The following BMAL1 variants were observed in gnomAD, a reference collection of about 807,000 sequenced individuals.
BMAL1 encodes basic helix-loop-helix ARNT like 1.
At chr11:13,314,386 T>A in the BMAL1 span, among the ~76,000 whole-genome samples, 1 of 152,160 alleles carries the variant, frequency 6.6e-6, no homozygotes, top group East Asian at 1.9e-4. Context: ...ATTCATAATG[T>A]GATAAAATGT....
the BMAL1 span, among the ~76,000 whole-genome samples, chr11:13,346,420 T>A: frequency 6.6e-6 from 1 of 152,208 alleles, no homozygotes; most frequent in Non-Finnish European, 1.5e-5. Flanking sequence ...TTGGATGTGA[T>A]CATCTTCCTG....
chr11:13,373,110 C>T, the BMAL1 span, among the ~76,000 whole-genome samples: 4 of 152,282 alleles, frequency 2.6e-5, no homozygotes, highest in African/African-American at 9.6e-5. Context: ...ATGTGGCTAA[C>T]GGCACAGACA....
chr11:13,345,616 C>T, the BMAL1 span, among the ~76,000 whole-genome samples: 7 of 152,218 alleles, frequency 4.6e-5, 1 homozygote, highest in South Asian at 1.2e-3. Context: ...TGGCAGCAGC[C>T]ATGGTAGTTA....
At chr11:13,288,424 C>CTT in the BMAL1 span, among the ~76,000 whole-genome samples, 2 of 113,690 alleles carry the variant, frequency 1.8e-5, no homozygotes, top group Non-Finnish European at 1.8e-5. Flanking sequence ...CTTTTTTTTT[C>CTT]TTTTTTTTTT....
At chr11:13,376,723 G>A in the BMAL1 span, 1 of 1,613,662 alleles carries the variant, frequency 6.2e-7, no homozygotes, top group Non-Finnish European at 8.5e-7. Flanking sequence ...CTGCCCTCTG[G>A]AGAAGGTAAC....
the BMAL1 span, among the ~76,000 whole-genome samples, chr11:13,354,782 TG>T: frequency 3.3e-5 from 5 of 152,220 alleles, no homozygotes; most frequent in Non-Finnish European, 7.3e-5. Context: ...GTTAAGTCTA[TG>T]GGTGTCATCT....
the BMAL1 span, among the ~76,000 whole-genome samples, chr11:13,342,998 T>C: frequency 6.6e-6 from 1 of 152,210 alleles, no homozygotes; most frequent in African/African-American, 2.4e-5. Flanking sequence ...AGAGGGCTTG[T>C]TATGCTCCAG....
chr11:13,344,536 A>G, the BMAL1 span, among the ~76,000 whole-genome samples: 1 of 152,198 alleles, frequency 6.6e-6, no homozygotes, highest in African/African-American at 2.4e-5. Context: ...CTTCGTCCCC[A>G]TTGTGGCTTC....
At chr11:13,304,746 C>T in the BMAL1 span, among the ~76,000 whole-genome samples, 2 of 152,190 alleles carry the variant, frequency 1.3e-5, no homozygotes, top group East Asian at 1.9e-4. Context: ...CTGGAGTCCA[C>T]TTCCAATGCC....
chr11:13,289,602 A>C, the BMAL1 span, among the ~76,000 whole-genome samples: 2 of 152,154 alleles, frequency 1.3e-5, no homozygotes, highest in Non-Finnish European at 2.9e-5. Flanking sequence ...CTCATTGTTC[A>C]GTTCCCACCT....
chr11:13,357,162 A>C, the BMAL1 span: 4 of 1,597,964 alleles, frequency 2.5e-6, no homozygotes, highest in Non-Finnish European at 3.4e-6. The surrounding 1 kb of genome is among the most constrained non-coding windows in gnomAD (Gnocchi z 4.8). Flanking sequence ...GCAGCTGAGG[A>C]GGCTCTGCAT....
At chr11:13,385,289 G>A in the BMAL1 span, among the ~76,000 whole-genome samples, 1 of 152,160 alleles carries the variant, frequency 6.6e-6, no homozygotes. Context: ...TCTCTTCACA[G>A]CTTGTTAACT....
chr11:13,314,626 C>T, the BMAL1 span, among the ~76,000 whole-genome samples: 1 of 152,140 alleles, frequency 6.6e-6, no homozygotes, highest in Non-Finnish European at 1.5e-5. Flanking sequence ...AAAAATAATC[C>T]ATCAAGGAAT....
At chr11:13,355,501 C>G in the BMAL1 span, among the ~76,000 whole-genome samples, 1 of 152,182 alleles carries the variant, frequency 6.6e-6, no homozygotes, top group Non-Finnish European at 1.5e-5. Context: ...GGGTTCCAGC[C>G]TGGTCACCAC....
the BMAL1 span, among the ~76,000 whole-genome samples, chr11:13,333,436 A>G: frequency 6.6e-6 from 1 of 152,156 alleles, no homozygotes; most frequent in Admixed American, 6.5e-5. Flanking sequence ...CCACCACCAG[A>G]TGTGGTTCTG....
At chr11:13,327,804 A>G in the BMAL1 span, among the ~76,000 whole-genome samples, 2 of 152,082 alleles carry the variant, frequency 1.3e-5, no homozygotes, top group Non-Finnish European at 2.9e-5. Context: ...TCACTTTGTG[A>G]GTCTGAAGAA....
chr11:13,285,272 C>A, the BMAL1 span, among the ~76,000 whole-genome samples: 5 of 152,178 alleles, frequency 3.3e-5, no homozygotes, highest in Non-Finnish European at 7.3e-5. Context: ...ACGCTCACTT[C>A]CCACTCTCCA....
the BMAL1 span, among the ~76,000 whole-genome samples, chr11:13,312,904 C>A: frequency 2.0e-5 from 3 of 152,152 alleles, no homozygotes; most frequent in African/African-American, 7.2e-5. Context: ...GTGAAGCAGA[C>A]GTCTACATGT....
the BMAL1 span, among the ~76,000 whole-genome samples, chr11:13,356,482 A>AAT: frequency 6.6e-6 from 1 of 152,214 alleles, no homozygotes; most frequent in East Asian, 1.9e-4. Context: ...AATATGGTAA[A>AAT]ATATATGTTA....
Sources: gnomAD v4.1 joint callset for allele counts (sites outside exome capture counted in the v4.1 genomes callset) on GRCh38, gnomAD v4.1.1 for gene constraint, Gnocchi (gnomAD v3.1) non-coding constraint, MANE v1.5 for transcripts, NCBI Gene and HGNC (gene_info 2026-07-23, HGNC 2026-07-21) for gene names.